CIBAR2: variants seen among roughly 807,000 people sequenced by gnomAD.
CIBAR2 encodes the protein CBY1 interacting BAR domain containing 2, also known as CBY1-interacting BAR domain-containing protein 2.
Under a neutral mutation model 36.2 loss-of-function variants are expected in CIBAR2, and 38 were observed. That is an observed-to-expected ratio of 1.05 (90% confidence interval 0.81 to 1.38). CIBAR2 has a LOEUF of 1.38. Ranked by LOEUF, CIBAR2 falls within the 40% of genes most tolerant of loss-of-function variation. The probability of loss-of-function intolerance (pLI) is 0.00; values close to 1 mark genes in which losing one functional copy is unlikely to be tolerated. For synonymous variants in CIBAR2, 182 were observed against 149.5 expected, an observed-to-expected ratio of 1.22 and a Z score of -1.58; for missense variants, 481 against 383.4, an observed-to-expected ratio of 1.25 and a Z score of -2.13.
chr16:85,098,897 T>G lies in CIBAR2; in HGVS notation c.*288A>C. The G allele has an allele frequency of 3.7e-6, 1 of 272,142 alleles. No homozygotes were observed. The highest frequency in any genetic ancestry group is 6.5e-6 in the Non-Finnish European group (1 of 152,776). The allele number at this position is 272,142 out of a possible 1,614,324, so 16.9% of individuals were successfully genotyped here. A position where few individuals can be genotyped will look rare whatever the true frequency, so the allele number is the denominator to read the frequency against. ...GAGAGGCTAGGAGACTTTCCCAAGG[T>G]CACACCGCCGGGAGCAGTGGGCTCG... On this transcript the variant is annotated 3_prime_UTR_variant, in exon 9 of 9. Transcript: ENST00000539556.
At position 85,105,383 on chromosome 16, in the gene CIBAR2, G is replaced by C. The variant is rs769180119; in HGVS notation, c.481C>G (p.Leu161Val). The change falls in exon 6 of 9, where the codon CTC becomes GTC. Residue 161 changes from leucine (L) to valine (V), a missense_variant. By Grantham distance (32) the Leu-to-Val change is conservative. Coordinates refer to ENST00000539556, the MANE Select transcript of CIBAR2 (RefSeq NM_198491.3). Reference sequence around the variant, plus strand: ...CCATCCACAGTCTCCTCCAGCTGGAGGGTGGTGCGGCTGGAGTCCACAGCG... The same window carrying C: ...CCATCCACAGTCTCCTCCAGCTGGACGGTGGTGCGGCTGGAGTCCACAGCG... ...RAAVDSSRTT[L>V]QLEETVDGFQ... 1.9e-6 allele frequency: 3 copies of C among 1,613,908 alleles called. No individual in the cohort carries two copies. The highest frequency in any genetic ancestry group is 2.5e-6 in the Non-Finnish European group (3 of 1,179,966).
At chr16:85,107,313 C>T (rs2074004051) in intron 5 of CIBAR2, among the ~76,000 whole-genome samples, 1 of 152,148 alleles carries the variant, frequency 6.6e-6, no homozygotes, top group Admixed American at 6.5e-5. Flanking sequence ...ATGCGGGGTC[C>T]CTTCCACCTG....
chr16:85,110,367 C>T lies in CIBAR2; in HGVS notation c.114G>A (p.Lys38=). 6.2e-7 allele frequency: 1 copy of T among 1,613,654 alleles called. No individual in the cohort carries two copies. Among genetic ancestry groups the T allele is most frequent in the Non-Finnish European group, 8.5e-7 (1 of 1,179,870 alleles). Residue 38 remains lysine, a synonymous_variant, in exon 2 of 9, where the codon AAG becomes AAA. Transcript: ENST00000539556. ...FCSLLAAYTR[K]TARLRDKADQ... ...CCGCCTTGTCCCGCAGCCGGGCCGT[C>T]TTGCGCGTGTAGGCGGCCAGCAGCG...
intron 1 of CIBAR2, among the ~76,000 whole-genome samples, chr16:85,111,775 T>C (rs1344196828): frequency 2.0e-5 from 3 of 152,172 alleles, no homozygotes; most frequent in Admixed American, 1.3e-4. Context: ...GCCCAGGCGA[T>C]GGAGGTTGCA....
chr16:85,112,015 C>T (rs183815193), intron 1 of CIBAR2, among the ~76,000 whole-genome samples: 1 of 152,040 alleles, frequency 6.6e-6, no homozygotes, highest in Non-Finnish European at 1.5e-5. Flanking sequence ...AAGGGGGAGG[C>T]CTGGTTGGGG....
At position 85,098,670 on chromosome 16, in the gene CIBAR2, G is replaced by A; in HGVS notation, c.*515C>T. The A allele has an allele frequency of 2.0e-6, 2 of 976,612 alleles. No individual in the cohort carries two copies. Among genetic ancestry groups the A allele is most frequent in the Non-Finnish European group, 2.4e-6 (2 of 821,592 alleles). The allele number at this position is 976,612 out of a possible 1,614,324, so 60.5% of individuals were successfully genotyped here. A position where few individuals can be genotyped will look rare whatever the true frequency, so the allele number is the denominator to read the frequency against. ...CTTCTTTTCCTGGGCTCCATATGGT[G>A]CTCTGAGCACTCTAAATAATAATAA... On this transcript the variant is annotated 3_prime_UTR_variant, in exon 9 of 9. Transcript: ENST00000539556.
At position 85,110,412 on chromosome 16, in the gene CIBAR2, C is replaced by G. The variant is rs1440247735; in HGVS notation, c.69G>C (p.Lys23Asn). The stretch of plus-strand genomic sequence containing the variant: ...GCAGCGAGCAGAACTGCCCAAAGTA[C>G]TTCTCGGTGTTGGCCACGGTATTCT... ...VMENTVANTE[K>N]YFGQFCSLLA... is the part of the protein sequence containing the mutation. Residue 23 changes from lysine to asparagine, a missense_variant, in exon 2 of 9, where the codon AAG (lysine) becomes AAC (asparagine). Transcript: ENST00000539556. The G allele has an allele frequency of 1.2e-6, 2 of 1,612,472 alleles. No individual in the cohort carries two copies. The highest frequency in any genetic ancestry group is 2.2e-5 in the East Asian group (1 of 44,852).
At position 85,105,346 on chromosome 16, in the gene CIBAR2, T is replaced by TGCCTCTGGAAGCCATCCACAGTC. The variant is rs1392433713; in HGVS notation, c.495_517dup (p.Gln173ArgfsTer22). Reference sequence around the variant, plus strand: ...CCTCACCTGCAGGTCCTTGAGCTTCTGCCTCTGGAAGCCATCCACAGTCTC... The same window carrying TGCCTCTGGAAGCCATCCACAGTC: ...CCTCACCTGCAGGTCCTTGAGCTTCTGCCTCTGGAAGCCATCCACAGTCGCCTCTGGAAGCCATCCACAGTCTC... On this transcript the variant is annotated frameshift_variant, in exon 6 of 9. Coordinates refer to ENST00000539556, the MANE Select transcript of CIBAR2 (RefSeq NM_198491.3). LOFTEE classifies it high-confidence loss of function. 9 of 1,613,090 alleles carry TGCCTCTGGAAGCCATCCACAGTC rather than the reference T, an allele frequency of 5.6e-6. No homozygotes were observed. Among genetic ancestry groups the TGCCTCTGGAAGCCATCCACAGTC allele is most frequent in the Non-Finnish European group, 7.6e-6 (9 of 1,179,790 alleles).
intron 7 of CIBAR2, among the ~76,000 whole-genome samples, chr16:85,100,796 C>G (rs912261163): frequency 1.3e-5 from 2 of 152,128 alleles, no homozygotes; most frequent in African/African-American, 2.4e-5. Context: ...ACCTGTAATC[C>G]CAGCACTTTG....
At position 85,111,101 on chromosome 16, in the gene CIBAR2, G is replaced by T. The variant is rs148952260; in HGVS notation, c.21-641C>A. Among the ~76,000 whole-genome samples the T allele has an allele frequency of 5.9e-4, 90 of 152,172 alleles. 1 individual carries two copies. Among genetic ancestry groups the T allele is most frequent in the Middle Eastern group, 3.4e-3 (1 of 294 alleles). ...TCAGGCTTCTACGACAGCCAGGGAG[G>T]CCTGGCCTCTCCTGGGCCTCCTCAC... On this transcript the variant is annotated intron_variant, in intron 1 of 8. Coordinates refer to ENST00000539556, the MANE Select transcript of CIBAR2 (RefSeq NM_198491.3).
chr16:85,101,822 A>C (rs2073957933), intron 7 of CIBAR2, among the ~76,000 whole-genome samples: 1 of 151,896 alleles, frequency 6.6e-6, no homozygotes, highest in Non-Finnish European at 1.5e-5. Flanking sequence ...GGTGCCCACC[A>C]CCACGCCTGG....
chr16:85,104,581 T>C (rs567127782), intron 6 of CIBAR2, among the ~76,000 whole-genome samples: 7 of 152,226 alleles, frequency 4.6e-5, no homozygotes, highest in African/African-American at 9.6e-5. Context: ...CTGGGCGTGG[T>C]GGTACGTGCC....
At position 85,110,610 on chromosome 16, in the gene CIBAR2, C is replaced by T. The variant is rs758220938; in HGVS notation, c.21-150G>A. 1.0e-5 allele frequency: 6 copies of T among 587,524 alleles called. 1 individual carries two copies. The highest frequency in any genetic ancestry group is 8.9e-5 in the South Asian group (4 of 44,934). 36.4% of individuals were successfully genotyped at this position (587,524 alleles called of 1,614,324 possible). On this transcript the variant is annotated intron_variant, in intron 1 of 8. Coordinates refer to ENST00000539556, the MANE Select transcript of CIBAR2 (RefSeq NM_198491.3). ...TGCCACAGGCTGTCACTCAAGGTGG[C>T]AGCATCACGGCCATTGAGGCTGATG...
At chr16:85,099,631 T>C (rs2073938607) in intron 8 of CIBAR2, among the ~76,000 whole-genome samples, 1 of 151,040 alleles carries the variant, frequency 6.6e-6, no homozygotes, top group Non-Finnish European at 1.5e-5. Flanking sequence ...TACTTTTTTT[T>C]TTTTTTTCCT....
intron 1 of CIBAR2, among the ~76,000 whole-genome samples, chr16:85,112,127 G>A (rs777960273): frequency 2.6e-5 from 4 of 152,192 alleles, no homozygotes; most frequent in Non-Finnish European, 4.4e-5. Flanking sequence ...AGCAGACGGA[G>A]GCCAGATTCT....
At chr16:85,107,569 C>T (rs1262884481) in intron 5 of CIBAR2, 98 bp downstream of exon 5, 13 of 1,356,534 alleles carry the variant, frequency 9.6e-6, no homozygotes, top group Non-Finnish European at 1.4e-5. Context: ...CCTGCACACA[C>T]CTGCTTCAGA....
At position 85,110,371 on chromosome 16, in the gene CIBAR2, C is replaced by A. The variant is rs758180795; in HGVS notation, c.110G>T (p.Arg37Leu). ...QFCSLLAAYT[R>L]KTARLRDKAD... The stretch of plus-strand genomic sequence containing the variant: ...CTTGTCCCGCAGCCGGGCCGTCTTG[C>A]GCGTGTAGGCGGCCAGCAGCGAGCA... The change falls in exon 2 of 9, where the codon CGC (arginine) becomes CTC (leucine). Residue 37 changes from arginine (R) to leucine (L), a missense_variant. Arg to Leu is a moderately radical substitution (Grantham distance 102, BLOSUM62 -2). Coordinates refer to ENST00000539556, the MANE Select transcript of CIBAR2 (RefSeq NM_198491.3). The A allele has an allele frequency of 6.2e-7, 1 of 1,613,468 alleles. No homozygotes were observed. The highest frequency in any genetic ancestry group is 1.7e-5 in the Admixed American group (1 of 59,984).
intron 8 of CIBAR2, among the ~76,000 whole-genome samples, 166 bp downstream of exon 8, chr16:85,099,973 G>C (rs1204760798): frequency 4.6e-5 from 7 of 151,690 alleles, no homozygotes; most frequent in Non-Finnish European, 8.8e-5. Context: ...GTTCTGGTCA[G>C]ACCCCCGGGC....
At chr16:85,106,145 G>A (rs991766578) in intron 5 of CIBAR2, among the ~76,000 whole-genome samples, 1 of 152,168 alleles carries the variant, frequency 6.6e-6, no homozygotes, top group Non-Finnish European at 1.5e-5. Flanking sequence ...GAGACGGTGG[G>A]TGACCCAGGT....
Sources: allele counts gnomAD v4.1 joint callset (sites outside exome capture counted in the v4.1 genomes callset), GRCh38; gene constraint gnomAD v4.1.1; transcripts MANE v1.5; gene names NCBI Gene and HGNC (gene_info 2026-07-23, HGNC 2026-07-21).